The following LRRC31 variants were observed in gnomAD, a reference collection of about 807,000 sequenced individuals.
LRRC31 encodes leucine-rich repeat-containing protein 31.
In LRRC31, 35 loss-of-function variants were observed where a neutral mutation model predicts 46.7. That is an observed-to-expected ratio of 0.75 (90% CI 0.57 to 0.99). The LOEUF is 0.99. Ranked by LOEUF, LRRC31 falls within the 50% of genes least tolerant of loss-of-function variation. The pLI, the probability that LRRC31 is intolerant of heterozygous loss-of-function variation, is 0.00. For synonymous variants in LRRC31, 236 were observed against 235.1 expected (o/e 1.00, Z -0.03); for missense variants, 613 against 626.1 (o/e 0.98, Z 0.22).
intron 1 of LRRC31, among the ~76,000 whole-genome samples, chr3:169,869,372 A>T (rs1213345345): frequency 6.6e-6 from 1 of 151,882 alleles, no homozygotes; most frequent in Non-Finnish European, 1.5e-5. Context: ...ACTCTGTCTC[A>T]AAATAAATAA....
intron 3 of LRRC31, among the ~76,000 whole-genome samples, chr3:169,858,051 A>G (rs1781026330): frequency 6.6e-6 from 1 of 152,170 alleles, no homozygotes; most frequent in Non-Finnish European, 1.5e-5. Context: ...GCCACTCGGT[A>G]CTAAACTATT....
At position 169,840,091 on chromosome 3, in the gene LRRC31, T is replaced by G. The variant is rs751920923; in HGVS notation, c.1550A>C (p.Glu517Ala). ...YAVTKLPQIT[E>A]IGMKRWILPA... ...GAGAATCCATCTTTTCATTCCTATC[T>G]CAGTGATCTGAGGAAGCTTGGTCAC... The change falls in exon 9 of 9, where the codon GAG (glutamate) becomes GCG (alanine). Residue 517 changes from glutamate (E) to alanine (A), a missense_variant. Transcript: ENST00000316428. 6.2e-7 allele frequency: 1 copy of G among 1,614,124 alleles called. No homozygotes were observed. Among genetic ancestry groups the G allele is most frequent in the South Asian group, 1.1e-5 (1 of 91,082 alleles).
chr3:169,869,605 G>C, intron 1 of LRRC31, 28 bp downstream of exon 1: 1 of 1,539,668 alleles, frequency 6.5e-7, no homozygotes, highest in East Asian at 2.3e-5. Context: ...AAATACAACA[G>C]CAAAAACACC....
At chr3:169,853,184 G>A in intron 6 of LRRC31, 3 of 982,586 alleles carry the variant, frequency 3.1e-6, no homozygotes, top group Non-Finnish European at 3.6e-6. Context: ...GTAGCCCCTG[G>A]CACGGTGCCC....
At chr3:169,856,305 G>A in intron 5 of LRRC31, 31 bp downstream of exon 5, 3 of 1,411,922 alleles carry the variant, frequency 2.1e-6, no homozygotes, top group Non-Finnish European at 2.9e-6. Context: ...AATTATACAT[G>A]TAATCTTAAA....
chr3:169,859,020 G>A (rs1426667749), intron 3 of LRRC31, among the ~76,000 whole-genome samples: 2 of 115,898 alleles, frequency 1.7e-5, no homozygotes, highest in Non-Finnish European at 3.7e-5. Context: ...AAAAAAAAGG[G>A]GGGGGGTGGG....
intron 7 of LRRC31, among the ~76,000 whole-genome samples, chr3:169,851,342 A>T (rs1780758436): frequency 6.6e-6 from 1 of 152,068 alleles, no homozygotes; most frequent in Non-Finnish European, 1.5e-5. Context: ...AAACCTGGGA[A>T]GCGGAGGTTG....
chr3:169,859,725 A>T (rs898418155), intron 3 of LRRC31, among the ~76,000 whole-genome samples: 2 of 152,230 alleles, frequency 1.3e-5, no homozygotes, highest in African/African-American at 4.8e-5. Flanking sequence ...GTGGGTGGGA[A>T]AATAGAAGAG....
intron 3 of LRRC31, 75 bp from the exon 4 acceptor site, chr3:169,856,947 AC>A (rs1437801178): frequency 7.1e-6 from 10 of 1,417,946 alleles, no homozygotes; most frequent in South Asian, 1.3e-5. Flanking sequence ...AATCAGCACA[AC>A]CATGATTAAT....
At chr3:169,855,053 G>T in intron 5 of LRRC31, 73 bp from the exon 6 acceptor site, 2 of 1,300,744 alleles carry the variant, frequency 1.5e-6, no homozygotes, top group South Asian at 1.3e-5. Context: ...CTGCTAGGGA[G>T]ACCAAGGCAG....
chr3:169,853,987 G>A (rs1243247751), intron 6 of LRRC31, among the ~76,000 whole-genome samples: 1 of 152,266 alleles, frequency 6.6e-6, no homozygotes, highest in Non-Finnish European at 1.5e-5. Flanking sequence ...GACCTGGGGA[G>A]AGAGAGCATG....
chr3:169,865,689 T>C (rs184497559), intron 1 of LRRC31, among the ~76,000 whole-genome samples: 4 of 152,112 alleles, frequency 2.6e-5, no homozygotes, highest in African/African-American at 9.7e-5. Context: ...CACGCAGGGG[T>C]GTGTGGTTCC....
intron 6 of LRRC31, chr3:169,853,687 G>A: frequency 6.1e-6 from 6 of 985,348 alleles, no homozygotes; most frequent in Non-Finnish European, 6.0e-6. Context: ...AAATCTTCAT[G>A]AAAGTCTTGA....
intron 3 of LRRC31, among the ~76,000 whole-genome samples, chr3:169,857,142 C>A (rs917734188): frequency 1.3e-5 from 2 of 151,518 alleles, no homozygotes; most frequent in Non-Finnish European, 2.9e-5. Context: ...AAAAATCCAC[C>A]TATTGGTAGG....
chr3:169,867,687 G>A (rs1413043467), intron 1 of LRRC31, among the ~76,000 whole-genome samples: 1 of 152,178 alleles, frequency 6.6e-6, no homozygotes, highest in Non-Finnish European at 1.5e-5. Context: ...ATTACTAAAA[G>A]TAGGTGACTA....
rs761711327 is a variant in LRRC31 at position 169,860,648 on chromosome 3, T to A, written c.400A>T (p.Ile134Phe). 3.7e-6 allele frequency: 6 copies of A among 1,614,062 alleles called. No individual in the cohort carries two copies. The highest frequency in any genetic ancestry group is 5.1e-6 in the Non-Finnish European group (6 of 1,180,020). The change falls in exon 3 of 9, where the codon ATC becomes TTC. Residue 134 changes from isoleucine (I) to phenylalanine (F), a missense_variant. Physicochemically the swap from Ile to Phe is conservative, Grantham distance 21. Coordinates refer to ENST00000316428, the MANE Select transcript of LRRC31 (RefSeq NM_024727.4). Reference sequence around the variant, plus strand: ...CTGACCAGATGCATTTGCTGAGTGATGGAAAGGAGGGTTCCACCTACAAAA... The same window carrying A: ...CTGACCAGATGCATTTGCTGAGTGAAGGAAAGGAGGGTTCCACCTACAAAA... ...NGFVGGTLLS[I>F]TQQMHLVSKL...
chr3:169,841,844 A>C (rs539817798), intron 8 of LRRC31, among the ~76,000 whole-genome samples: 44 of 152,136 alleles, frequency 2.9e-4, no homozygotes, highest in South Asian at 2.1e-3. Context: ...CAGGAGTTCG[A>C]GACCAGCCTG....
chr3:169,852,495 G>A (rs147326456), intron 6 of LRRC31, among the ~76,000 whole-genome samples: 91 of 151,692 alleles, frequency 6.0e-4, no homozygotes, highest in Middle Eastern at 3.5e-3. Flanking sequence ...AAGGTAAAGT[G>A]CTTGGTATAG....
At position 169,840,323 on chromosome 3, in the gene LRRC31, A is replaced by G; in HGVS notation, c.1328-10T>C. The G allele has an allele frequency of 6.2e-7, 1 of 1,613,890 alleles. No homozygotes were observed. The stretch of plus-strand genomic sequence containing the variant: ...GTCTGTATGACCGATGCTGGAAAAC[A>G]GAATCACTCTAAATGCTAACATACA... On this transcript the variant is annotated splice_polypyrimidine_tract_variant and intron_variant, in intron 8 of 8. Transcript: ENST00000316428.
Sources: gnomAD v4.1 joint callset for allele counts (sites outside exome capture counted in the v4.1 genomes callset) on GRCh38, gnomAD v4.1.1 for gene constraint, MANE v1.5 for transcripts, NCBI Gene and HGNC (gene_info 2026-07-23, HGNC 2026-07-21) for gene names.